The following ZNF131 variants were observed in gnomAD, a reference collection of about 807,000 sequenced individuals.
ZNF131 encodes the protein zinc finger protein 131.
Under a neutral mutation model 60.0 loss-of-function variants are expected in ZNF131, and 7 were observed. The observed-to-expected ratio is 0.12, with a 90% CI of 0.07 to 0.22. ZNF131 has a LOEUF of 0.22. Ranked by LOEUF, ZNF131 falls within the 10% of genes least tolerant of loss-of-function variation. The probability of loss-of-function intolerance (pLI) is 1.00; values close to 1 mark genes in which losing one functional copy is unlikely to be tolerated. For missense variants in ZNF131, 493 were observed against 740.9 expected (o/e 0.67, Z 3.88); for synonymous variants, 257 against 253.2 (o/e 1.01, Z -0.14).
chr5:43,169,241 A>G (rs537581351), intron 5 of ZNF131, among the ~76,000 whole-genome samples: 2 of 152,360 alleles, frequency 1.3e-5, no homozygotes, highest in African/African-American at 4.8e-5. Flanking sequence ...TAGGGTTGTG[A>G]CAAATAAGAA....
chr5:43,172,291 A>G (rs1451174270), intron 5 of ZNF131, among the ~76,000 whole-genome samples: 19 of 152,164 alleles, frequency 1.2e-4, no homozygotes, highest in Admixed American at 1.2e-3. Context: ...ACATACTCAG[A>G]AATGTTTTCC....
chr5:43,167,390 C>T (rs1350077825), intron 5 of ZNF131, among the ~76,000 whole-genome samples: 1 of 152,080 alleles, frequency 6.6e-6, no homozygotes, highest in Non-Finnish European at 1.5e-5. Context: ...AAAATTAGGT[C>T]TGTAAGCAGT....
At chr5:43,156,622 C>T (rs932906448) in intron 4 of ZNF131, among the ~76,000 whole-genome samples, 3 of 152,338 alleles carry the variant, frequency 2.0e-5, no homozygotes, top group African/African-American at 7.2e-5. Flanking sequence ...TGACACCGAT[C>T]TATTTCAGCT....
chr5:43,163,586 C>G (rs1373626634), intron 5 of ZNF131, among the ~76,000 whole-genome samples: 1 of 152,222 alleles, frequency 6.6e-6, no homozygotes, highest in Non-Finnish European at 1.5e-5. Context: ...CCCGAACAAC[C>G]TTTGCTGGGT....
chr5:43,129,720 T>A (rs1157532933), intron 3 of ZNF131, among the ~76,000 whole-genome samples: 2 of 152,094 alleles, frequency 1.3e-5, no homozygotes. Flanking sequence ...AGTGGCACAA[T>A]CTCGGCTCAC....
chr5:43,132,614 G>C (rs550063110), intron 3 of ZNF131, among the ~76,000 whole-genome samples: 2 of 148,938 alleles, frequency 1.3e-5, no homozygotes, highest in South Asian at 4.2e-4. Flanking sequence ...GGGTTCAAGC[G>C]ACTCTCCTGC....
intron 4 of ZNF131, among the ~76,000 whole-genome samples, chr5:43,158,638 G>A (rs1749258465): frequency 6.6e-6 from 1 of 152,138 alleles, no homozygotes; most frequent in Non-Finnish European, 1.5e-5. Context: ...TCCAAATAAG[G>A]CCTATTCACA....
intron 4 of ZNF131, among the ~76,000 whole-genome samples, chr5:43,146,339 G>A (rs186970337): frequency 3.5e-4 from 53 of 152,318 alleles, no homozygotes; most frequent in African/African-American, 1.2e-3. Context: ...TGTAATCCCA[G>A]CACTTTGGGA....
rs757605998 is a variant in ZNF131 at position 43,161,581 on chromosome 5, G to A, written c.704G>A (p.Cys235Tyr). Residue 235 changes from cysteine to tyrosine, a missense_variant, in exon 5 of 7, where the codon TGT (cysteine) becomes TAT (tyrosine). Physicochemically the swap from Cys to Tyr is radical, Grantham distance 194. Around this residue, in one of 7 missense-constraint regions of ZNF131, gnomAD observed 138 missense variants for 158.7 expected, o/e 0.87. Coordinates refer to ENST00000682664, the MANE Select transcript of ZNF131 (RefSeq NM_001330707.2). ...DRKGQIKEDG[C>Y]PSDPTSKQVE... ...AAAGGGCAGATTAAAGAAGATGGCT[G>A]TCCATCTGACCCCACGAGCAAACAG... 6.2e-7 allele frequency: 1 copy of A among 1,614,226 alleles called. No individual in the cohort carries two copies.
chr5:43,165,118 T>G (rs1342381895), intron 5 of ZNF131, among the ~76,000 whole-genome samples: 2 of 152,096 alleles, frequency 1.3e-5, no homozygotes, highest in Non-Finnish European at 2.9e-5. Context: ...GCCCAGCTAA[T>G]TTTTCTGTTT....
At chr5:43,163,665 C>G (rs1205685555) in intron 5 of ZNF131, among the ~76,000 whole-genome samples, 2 of 152,202 alleles carry the variant, frequency 1.3e-5, no homozygotes, top group Admixed American at 1.3e-4. Flanking sequence ...CCTACTATTA[C>G]AAGGGTATGG....
At chr5:43,144,943 G>C (rs990282660) in intron 4 of ZNF131, among the ~76,000 whole-genome samples, 1 of 151,630 alleles carries the variant, frequency 6.6e-6, no homozygotes, top group Non-Finnish European at 1.5e-5. Flanking sequence ...TCCTTACTGA[G>C]CCAAGCAGAT....
At position 43,175,664 on chromosome 5, in the gene ZNF131, C is replaced by A; in HGVS notation, c.*531C>A. 8.6e-6 allele frequency: 3 copies of A among 350,236 alleles called. No homozygotes were observed. The highest frequency in any genetic ancestry group is 1.1e-4 in the East Asian group (2 of 17,832). The allele number at this position is 350,236 out of a possible 1,614,324, so 21.7% of individuals were successfully genotyped here. The stretch of plus-strand genomic sequence containing the variant: ...AAACGTTCTTGTCTACCCCAGTAGT[C>A]ACAGATGCCATCTTTGCAACAGAAA... On this transcript the variant is annotated 3_prime_UTR_variant, in exon 7 of 7. Coordinates refer to ENST00000682664, the MANE Select transcript of ZNF131 (RefSeq NM_001330707.2).
chr5:43,126,899 C>T (rs1744624792), intron 3 of ZNF131, among the ~76,000 whole-genome samples: 1 of 152,084 alleles, frequency 6.6e-6, no homozygotes, highest in Non-Finnish European at 1.5e-5. Flanking sequence ...TTCTAGTTCT[C>T]TAGCCAGAAG....
Position 43,157,286 on chromosome 5 carries a change from T to A in ZNF131, c.372-3963T>A, listed in dbSNP as rs925032478. 2.6e-4 allele frequency among the ~76,000 whole-genome samples: 40 copies of A among 152,202 alleles called. 1 individual carries two copies. Among genetic ancestry groups the A allele is most frequent in the Admixed American group, 6.5e-4 (10 of 15,274 alleles). On this transcript the variant is annotated intron_variant, in intron 4 of 6. Coordinates refer to ENST00000682664, the MANE Select transcript of ZNF131 (RefSeq NM_001330707.2). Reference sequence around the variant, plus strand: ...TTTATCATTCTTCCTTGATAAGCATTATGTTCTCCCCTCATCTCCCATGTG... The same window carrying A: ...TTTATCATTCTTCCTTGATAAGCATAATGTTCTCCCCTCATCTCCCATGTG...
At chr5:43,139,111 T>C in intron 3 of ZNF131, 54 bp from the exon 4 acceptor site, 1 of 1,373,382 alleles carries the variant, frequency 7.3e-7, no homozygotes, top group South Asian at 2.0e-5. Context: ...TTACTAAACA[T>C]TGTAAGATTT....
chr5:43,126,900 T>C (rs956926433), intron 3 of ZNF131, among the ~76,000 whole-genome samples: 1 of 152,098 alleles, frequency 6.6e-6, no homozygotes, highest in African/African-American at 2.4e-5. Flanking sequence ...TCTAGTTCTC[T>C]AGCCAGAAGG....
At chr5:43,162,605 AGAAAAG>A (rs1561438949) in intron 5 of ZNF131, among the ~76,000 whole-genome samples, 19 of 127,638 alleles carry the variant, frequency 1.5e-4, no homozygotes, top group East Asian at 7.6e-4. Flanking sequence ...AAAAAAAAAA[AGAAAAG>A]AAAAAAAAGC....
intron 1 of ZNF131, chr5:43,121,743 C>T (rs1379691708): frequency 5.0e-6 from 1 of 201,920 alleles, no homozygotes; most frequent in East Asian, 1.2e-4. Flanking sequence ...GAGTCCCCTC[C>T]CTTGTTGGAC....
Sources: gnomAD v4.1 joint callset for allele counts (sites outside exome capture counted in the v4.1 genomes callset) on GRCh38, gnomAD v4.1.1 for gene constraint, gnomAD v4.1.1 regional missense constraint, MANE v1.5 for transcripts, NCBI Gene and HGNC (gene_info 2026-07-23, HGNC 2026-07-21) for gene names.